The following MCEE variants were observed in gnomAD, a reference collection of about 807,000 sequenced individuals.
MCEE encodes the protein methylmalonyl-CoA epimerase.
In MCEE, 6 loss-of-function variants were observed where a neutral mutation model predicts 12.9. The observed-to-expected ratio is 0.47, with a 90% CI of 0.26 to 0.92. MCEE has a LOEUF of 0.92. MCEE is among the 40% of genes least tolerant of loss of function. The pLI is 0.16. For synonymous variants in MCEE, 78 were observed against 77.9 expected (o/e 1.00, Z -0.01); for missense variants, 214 against 212.1 (o/e 1.01, Z -0.05).
At chr2:71,123,384 G>A (rs1307319807) in intron 2 of MCEE, among the ~76,000 whole-genome samples, 1 of 151,902 alleles carries the variant, frequency 6.6e-6, no homozygotes, top group Non-Finnish European at 1.5e-5. Flanking sequence ...CCAGCTACCT[G>A]GTAGGCTGAG....
chr2:71,119,272 C>G (rs541223782), intron 2 of MCEE, among the ~76,000 whole-genome samples: 1 of 150,374 alleles, frequency 6.7e-6, no homozygotes, highest in Non-Finnish European at 1.5e-5. Flanking sequence ...ACCTAGGCTA[C>G]AGGGTACAGT....
At chr2:71,127,467 A>C (rs1300265127) in intron 1 of MCEE, among the ~76,000 whole-genome samples, 1 of 152,266 alleles carries the variant, frequency 6.6e-6, no homozygotes, top group African/African-American at 2.4e-5. Flanking sequence ...GTGAATAATC[A>C]CTTGTAATAG....
At position 71,119,663 on chromosome 2, in the gene MCEE, G is replaced by A. The variant is rs192346530; in HGVS notation, c.378+4543C>T. Among the ~76,000 whole-genome samples, 815 of 150,448 alleles carry A rather than the reference G, an allele frequency of 5.4e-3. 12 individuals are homozygous for A. Among genetic ancestry groups the A allele is most frequent in the Non-Finnish European group, 5.9e-3 (404 of 68,028 alleles). ...AGCTCTGGGTAGACAGGAACTTTCT[G>A]CTTGTTCAGCCACATATCCCCAGCA... On this transcript the variant is annotated intron_variant, in intron 2 of 2. Coordinates refer to ENST00000244217, the MANE Select transcript of MCEE (RefSeq NM_032601.4).
intron 1 of MCEE, among the ~76,000 whole-genome samples, chr2:71,127,310 A>G (rs1000594027): frequency 6.6e-6 from 1 of 152,178 alleles, no homozygotes; most frequent in Non-Finnish European, 1.5e-5. Flanking sequence ...TTCAGTTCAG[A>G]TTTTGCATTT....
In MCEE at chr2:71,120,625, G is replaced by A. The variant is rs911192108; in HGVS notation, c.378+3581C>T. Among the ~76,000 whole-genome samples the A allele has an allele frequency of 2.0e-5, 3 of 150,276 alleles. 1 individual carries two copies. Among genetic ancestry groups the A allele is most frequent in the African/African-American group, 7.6e-5 (3 of 39,692 alleles). On this transcript the variant is annotated intron_variant, in intron 2 of 2. Transcript: ENST00000244217. Reference sequence around the variant, plus strand: ...TGAGTCAACAAAAACCATGGAGCATGCACCAACAGATATATGCTAAGTCAG... The same window carrying A: ...TGAGTCAACAAAAACCATGGAGCATACACCAACAGATATATGCTAAGTCAG...
At chr2:71,124,570 CCTT>C (rs766740496) in intron 1 of MCEE, 27 bp from the exon 2 acceptor site, 129 of 1,563,982 alleles carry the variant, frequency 8.2e-5, no homozygotes, top group Non-Finnish European at 1.1e-4. Context: ...CCATTGATAT[CCTT>C]CTTTTGAGAA....
At position 71,110,081 on chromosome 2, in the gene MCEE, CT is replaced by C. The variant is rs776473131; in HGVS notation, c.419del (p.Lys140ArgfsTer6). On this transcript the variant is annotated frameshift_variant, in exon 3 of 3. Coordinates refer to ENST00000244217, the MANE Select transcript of MCEE (RefSeq NM_032601.4). LOFTEE classifies it high-confidence loss of function. ...CCTCTTCACTTAGACTGCGGATCTT[CT>C]TTTTTTTCAAATCCATCACAGCTGC... The part of the protein sequence containing the change: ...INAAVMDLKK[K>X]KIRSLSEEVK... 43 of 1,612,086 alleles carry C rather than the reference CT, an allele frequency of 2.7e-5. 1 individual carries two copies. Among genetic ancestry groups the C allele is most frequent in the Non-Finnish European group, 3.5e-5 (41 of 1,178,622 alleles).
chr2:71,112,006 T>G (rs542024652), intron 2 of MCEE, among the ~76,000 whole-genome samples: 1 of 152,360 alleles, frequency 6.6e-6, no homozygotes, highest in African/African-American at 2.4e-5. Context: ...ATTTCTAAAT[T>G]GGCAGGTTTT....
At chr2:71,125,985 A>C (rs1190585450) in intron 1 of MCEE, among the ~76,000 whole-genome samples, 1 of 152,016 alleles carries the variant, frequency 6.6e-6, no homozygotes, top group Non-Finnish European at 1.5e-5. Context: ...AGTAGCTGGA[A>C]CCATAGGCAT....
chr2:71,115,814 G>C lies in MCEE; in HGVS notation c.379-5692C>G, dbSNP rs374860802. On this transcript the variant is annotated intron_variant, in intron 2 of 2. Coordinates refer to ENST00000244217, the MANE Select transcript of MCEE (RefSeq NM_032601.4). ...GGGAGTCATATACCGGGGCCTGTTG[G>C]GGGGTGGGGGAAAGGGGGGGATAAC... Among the ~76,000 whole-genome samples, 195 of 148,552 alleles carry C rather than the reference G, an allele frequency of 1.3e-3. 16 individuals are homozygous for C. The highest frequency in any genetic ancestry group is 4.7e-3 in the African/African-American group (179 of 38,368).
At chr2:71,128,791 C>A (rs942221071) in intron 1 of MCEE, among the ~76,000 whole-genome samples, 1 of 152,076 alleles carries the variant, frequency 6.6e-6, no homozygotes, top group African/African-American at 2.4e-5. Flanking sequence ...GAGTTCCAAA[C>A]CAGCCTGGCC....
chr2:71,125,421 G>A (rs1673207656), intron 1 of MCEE, among the ~76,000 whole-genome samples: 1 of 151,430 alleles, frequency 6.6e-6, no homozygotes, highest in Admixed American at 6.6e-5. Flanking sequence ...TGGCCAGGCT[G>A]GTCTCGAACT....
At chr2:71,121,665 G>C (rs1039875808) in intron 2 of MCEE, among the ~76,000 whole-genome samples, 4 of 150,406 alleles carry the variant, frequency 2.7e-5, no homozygotes, top group African/African-American at 9.7e-5. Flanking sequence ...GGGCTCTCTT[G>C]ATGGAATACT....
At chr2:71,120,576 G>A (rs919835926) in intron 2 of MCEE, among the ~76,000 whole-genome samples, 4 of 150,400 alleles carry the variant, frequency 2.7e-5, no homozygotes, top group Non-Finnish European at 5.9e-5. Flanking sequence ...TAATCCACAT[G>A]TGAGAAAGGA....
intron 2 of MCEE, among the ~76,000 whole-genome samples, chr2:71,113,531 A>G (rs1374258144): frequency 1.3e-5 from 2 of 152,230 alleles, no homozygotes; most frequent in Non-Finnish European, 2.9e-5. Flanking sequence ...AGTATCTTAC[A>G]GTGCCAGAAA....
At position 71,125,207 on chromosome 2, in the gene MCEE, A is replaced by ATTTTT. The variant is rs1217307224; in HGVS notation, c.41-665_41-664insAAAAA. ...TATATAAATATATATATATATATAT[A>ATTTTT]TATATTTTTTTTTTTTTTTGAGACG... On this transcript the variant is annotated intron_variant, in intron 1 of 2. Transcript: ENST00000244217. Among the ~76,000 whole-genome samples, 41 of 46,600 alleles carry ATTTTT rather than the reference A, an allele frequency of 8.8e-4. 1 individual carries two copies. Among genetic ancestry groups the ATTTTT allele is most frequent in the African/African-American group, 1.4e-3 (22 of 16,240 alleles). 30.6% of individuals were successfully genotyped at this position (46,600 alleles called of 152,430 possible).
intron 2 of MCEE, among the ~76,000 whole-genome samples, chr2:71,112,903 G>T (rs1291117941): frequency 6.6e-6 from 1 of 152,168 alleles, no homozygotes; most frequent in Non-Finnish European, 1.5e-5. Context: ...TATTCTGCTA[G>T]AACTTTTGAC....
intron 2 of MCEE, among the ~76,000 whole-genome samples, chr2:71,112,925 T>G (rs1351279346): frequency 6.6e-6 from 1 of 152,266 alleles, no homozygotes; most frequent in Non-Finnish European, 1.5e-5. Context: ...ATGTCCTACA[T>G]CTGTCTTATG....
At chr2:71,117,307 C>T (rs1053965879) in intron 2 of MCEE, among the ~76,000 whole-genome samples, 1 of 150,572 alleles carries the variant, frequency 6.6e-6, no homozygotes, top group African/African-American at 2.5e-5. Context: ...ACCTAAGCTT[C>T]CACAATGACT....
Sources: allele counts gnomAD v4.1 joint callset (sites outside exome capture counted in the v4.1 genomes callset), GRCh38; gene constraint gnomAD v4.1.1; transcripts MANE v1.5; gene names NCBI Gene and HGNC (gene_info 2026-07-23, HGNC 2026-07-21).